The following NRXN3 variants were observed in gnomAD, a reference collection of about 807,000 sequenced individuals.
NRXN3 encodes the protein neurexin III.
NRXN3 carries 32 observed loss-of-function variants against 137.6 expected under a neutral mutation model. That is an observed-to-expected ratio of 0.23 (90% CI 0.18 to 0.31). The LOEUF (loss-of-function observed/expected upper bound fraction) is 0.31, where lower values mean the gene tolerates loss of function less well. Among genes scored for constraint, NRXN3 ranks in the 10% least tolerant of loss-of-function variants. The probability of loss-of-function intolerance (pLI) is 1.00; values close to 1 mark genes in which losing one functional copy is unlikely to be tolerated. For synonymous variants in NRXN3, 798 were observed against 784.5 expected (o/e 1.02, Z -0.29); for missense variants, 1,574 against 2,062.5 (o/e 0.76, Z 4.59).
intron 15 of NRXN3, among the ~76,000 whole-genome samples, chr14:79,001,760 G>A (rs1265493148): frequency 6.6e-6 from 1 of 152,142 alleles, no homozygotes; most frequent in African/African-American, 2.4e-5. Context: ...TCAAGTTCTG[G>A]CTTCTTTTCT....
intron 15 of NRXN3, among the ~76,000 whole-genome samples, chr14:79,172,218 C>T (rs141087909): frequency 6.6e-6 from 1 of 151,650 alleles, no homozygotes; most frequent in Non-Finnish European, 1.5e-5. Context: ...AACTGTGAAG[C>T]ATGTATCCCT....
chr14:79,374,111 T>C (rs1287671041), intron 15 of NRXN3, among the ~76,000 whole-genome samples: 2 of 152,224 alleles, frequency 1.3e-5, no homozygotes, highest in African/African-American at 4.8e-5. Context: ...CAATGCCATG[T>C]CATGAAAGTA....
chr14:79,672,682 G>T (rs940650407), intron 17 of NRXN3, among the ~76,000 whole-genome samples: 2 of 151,994 alleles, frequency 1.3e-5, no homozygotes, highest in South Asian at 4.2e-4. Flanking sequence ...ATTCTGGCCT[G>T]CAGAAGTTGT....
intron 10 of NRXN3, among the ~76,000 whole-genome samples, chr14:78,822,711 A>C (rs77081721): frequency 1.1e-5 from 1 of 89,190 alleles, no homozygotes; most frequent in Non-Finnish European, 1.9e-5. Flanking sequence ...AAAAACAAAC[A>C]AAAAAAAAAA....
chr14:78,713,611 G>A (rs955585256), intron 7 of NRXN3, among the ~76,000 whole-genome samples: 9 of 152,132 alleles, frequency 5.9e-5, no homozygotes, highest in Non-Finnish European at 1.3e-4. Context: ...ACAAACCCAA[G>A]ACTGGATAAT....
At chr14:78,909,858 C>T (rs769790895) in intron 10 of NRXN3, among the ~76,000 whole-genome samples, 1 of 151,992 alleles carries the variant, frequency 6.6e-6, no homozygotes, top group African/African-American at 2.4e-5. Context: ...CTGTCTTTTT[C>T]TCTGTCTGTT....
At chr14:79,209,173 C>T (rs532642934) in intron 15 of NRXN3, among the ~76,000 whole-genome samples, 40 of 152,200 alleles carry the variant, frequency 2.6e-4, no homozygotes, top group African/African-American at 8.2e-4. Flanking sequence ...CTCCTGACCT[C>T]GTGATCTACC....
chr14:78,250,119 T>A (rs775138365), intron 2 of NRXN3: 5 of 516,148 alleles, frequency 9.7e-6, no homozygotes, highest in Non-Finnish European at 1.9e-5. Flanking sequence ...GGGCAAGAGG[T>A]TAAATAACTT....
chr14:78,593,005 C>T (rs569056951), intron 4 of NRXN3, among the ~76,000 whole-genome samples: 2 of 152,308 alleles, frequency 1.3e-5, no homozygotes, highest in South Asian at 4.1e-4. Context: ...CATTTGTGCG[C>T]ACAGGCACTG....
In NRXN3 at chr14:79,561,040, A is replaced by G. The variant is rs188396466; in HGVS notation, c.3444+93638A>G. 6.3e-3 allele frequency among the ~76,000 whole-genome samples: 960 copies of G among 152,134 alleles called. 12 individuals carry two copies. The highest frequency in any genetic ancestry group is 0.037 in the Middle Eastern group (11 of 294). On this transcript the variant is annotated intron_variant, in intron 16 of 20. Transcript: ENST00000335750. Reference sequence around the variant, plus strand: ...ATTTGTCTTCTCTTTATTTTACTGGAAGTCTTTGCCACCATCCGGCTGGTA... The same window carrying G: ...ATTTGTCTTCTCTTTATTTTACTGGGAGTCTTTGCCACCATCCGGCTGGTA...
Position 79,768,779 on chromosome 14 carries a change from CTT to C in NRXN3, c.4015-36331_4015-36330del, listed in dbSNP as rs553673561. Among the ~76,000 whole-genome samples, 212 of 152,338 alleles carry C rather than the reference CTT, an allele frequency of 1.4e-3. 1 individual carries two copies. The highest frequency in any genetic ancestry group is 4.9e-3 in the African/African-American group (202 of 41,578). ...CGGAACAAAGCTGGACAGAGAATGA[CTT>C]TGACGAGCTGAGAGAAGAAAGCTTC... is the stretch of plus-strand genomic sequence containing the variant. On this transcript the variant is annotated intron_variant, in intron 19 of 20. Coordinates refer to ENST00000335750, the MANE Select transcript of NRXN3 (RefSeq NM_001330195.2).
intron 15 of NRXN3, among the ~76,000 whole-genome samples, chr14:79,038,051 G>A (rs1452662513): frequency 6.6e-6 from 1 of 152,032 alleles, no homozygotes; most frequent in East Asian, 1.9e-4. Flanking sequence ...TTCTATGAAG[G>A]GGGTGTGTAT....
intron 1 of NRXN3, among the ~76,000 whole-genome samples, chr14:78,176,082 TG>T (rs1302642723): frequency 6.6e-6 from 1 of 152,172 alleles, no homozygotes; most frequent in East Asian, 1.9e-4. Flanking sequence ...ATGGGTTTAG[TG>T]TTGGAGTTTT....
intron 8 of NRXN3, among the ~76,000 whole-genome samples, chr14:78,769,127 A>G (rs1355141097): frequency 6.6e-6 from 1 of 152,188 alleles, no homozygotes; most frequent in Non-Finnish European, 1.5e-5. Flanking sequence ...ATAAACTCAG[A>G]TTATGGTTCA....
Position 79,639,698 on chromosome 14 carries a change from A to C in NRXN3, c.3445-24080A>C, listed in dbSNP as rs1603303545. On this transcript the variant is annotated intron_variant, in intron 16 of 20. Coordinates refer to ENST00000335750, the MANE Select transcript of NRXN3 (RefSeq NM_001330195.2). ...GGCCAACCTCTTGAATCAAATTGCA[A>C]AGTAACTTTCTGCTGGGAACAGTTT... Among the ~76,000 whole-genome samples, 6 of 152,324 alleles carry C rather than the reference A, an allele frequency of 3.9e-5. No homozygotes were observed. In the South Asian group the frequency reaches 1.2e-3, roughly 32 times the overall value.
chr14:79,362,719 T>C (rs1410752343), intron 15 of NRXN3, among the ~76,000 whole-genome samples: 1 of 152,212 alleles, frequency 6.6e-6, no homozygotes, highest in Non-Finnish European at 1.5e-5. Context: ...TGTACAAGTA[T>C]ACAAGCAATG....
At chr14:78,988,162 T>C in intron 15 of NRXN3, 21 bp downstream of exon 15, 3 of 1,613,406 alleles carry the variant, frequency 1.9e-6, no homozygotes, top group South Asian at 1.1e-5. Context: ...CAACCTTTCA[T>C]ACTGGAACTT....
At chr14:78,722,944 A>C (rs892998980) in intron 8 of NRXN3, among the ~76,000 whole-genome samples, 4 of 152,174 alleles carry the variant, frequency 2.6e-5, no homozygotes, top group Non-Finnish European at 5.9e-5. Flanking sequence ...AGGGGAAAAA[A>C]AATTCCAGGC....
At position 78,467,067 on chromosome 14, in the gene NRXN3, G is replaced by A. The variant is rs1014423973; in HGVS notation, c.757+169207G>A. 2.0e-5 allele frequency among the ~76,000 whole-genome samples: 3 copies of A among 152,144 alleles called. 1 individual carries two copies. The highest frequency in any genetic ancestry group is 2.0e-4 in the Admixed American group (3 of 15,272). ...TTGAGTTGTTCTGCCTTTCCAGACTGAAGTAATGTATGTCTCACATGTATT... is the reference window on the plus strand; with the variant it reads ...TTGAGTTGTTCTGCCTTTCCAGACTAAAGTAATGTATGTCTCACATGTATT... On this transcript the variant is annotated intron_variant, in intron 4 of 20. Transcript: ENST00000335750.
Sources: allele counts gnomAD v4.1 joint callset (sites outside exome capture counted in the v4.1 genomes callset), GRCh38; gene constraint gnomAD v4.1.1; transcripts MANE v1.5; gene names NCBI Gene and HGNC (gene_info 2026-07-23, HGNC 2026-07-21).